CCDC122: variants seen among roughly 807,000 people sequenced by gnomAD.
CCDC122 encodes coiled-coil domain containing 122.
CCDC122 carries 38 observed loss-of-function variants against 37.0 expected under a neutral mutation model. That is an observed-to-expected ratio of 1.03 (90% CI 0.79 to 1.35). The LOEUF (loss-of-function observed/expected upper bound fraction) is 1.35. CCDC122 is among the 40% of genes most tolerant of loss of function. The probability of loss-of-function intolerance (pLI) is 0.00; values close to 1 mark genes in which losing one functional copy is unlikely to be tolerated. For synonymous variants in CCDC122, 83 were observed against 95.6 expected, an observed-to-expected ratio of 0.87 and a Z score of 0.77; for missense variants, 305 against 310.0, an observed-to-expected ratio of 0.98 and a Z score of 0.12.
intron 6 of CCDC122, chr13:43,854,971 T>C (rs773056470): frequency 1.3e-5 from 2 of 152,006 alleles, no homozygotes; most frequent in African/African-American, 2.4e-5. Flanking sequence ...TGAAGGAACA[T>C]ACCTGAAAAT....
At chr13:43,823,490 C>G (rs1953011190), downstream of CCDC122, among the ~76,000 whole-genome samples, 1 of 152,242 alleles carries the variant, frequency 6.6e-6, no homozygotes, top group Non-Finnish European at 1.5e-5. Context: ...TTCCCAGGAT[C>G]TAAGGCCAGC....
At chr13:43,877,440 C>T (rs181305560) in intron 1 of CCDC122, among the ~76,000 whole-genome samples, 1 of 152,268 alleles carries the variant, frequency 6.6e-6, no homozygotes, top group African/African-American at 2.4e-5. Context: ...TTACATACCA[C>T]AAAGTACATC....
downstream of CCDC122, chr13:43,823,785 C>A (rs9533635): frequency 0.51 from 78,235 of 152,298 alleles, 21,289 homozygotes; most frequent in Non-Finnish European, 0.63. Flanking sequence ...TGCACAGATT[C>A]TCTCTCTGAG....
downstream of CCDC122, among the ~76,000 whole-genome samples, chr13:43,822,247 T>G (rs534228413): frequency 3.9e-5 from 6 of 152,188 alleles, no homozygotes; most frequent in Non-Finnish European, 5.9e-5. Context: ...TCTGGAAGAA[T>G]TCTCTGGATT....
At chr13:43,819,289 C>T (rs944158583), downstream of CCDC122, among the ~76,000 whole-genome samples, 3 of 152,040 alleles carry the variant, frequency 2.0e-5, no homozygotes, top group South Asian at 2.1e-4. Context: ...TAATATCTAG[C>T]AAAATTATGT....
chr13:43,820,453 G>C (rs1408511424), downstream of CCDC122, among the ~76,000 whole-genome samples: 1 of 152,112 alleles, frequency 6.6e-6, no homozygotes, highest in Admixed American at 6.6e-5. Flanking sequence ...GGGTTTTGCC[G>C]AAAGGACATT....
intron 1 of CCDC122, among the ~76,000 whole-genome samples, chr13:43,876,994 C>T (rs1954630176): frequency 1.3e-5 from 2 of 152,124 alleles, no homozygotes; most frequent in African/African-American, 2.4e-5. Flanking sequence ...GCCTGTAATC[C>T]TAGCTACTTG....
At chr13:43,862,701 T>C (rs1267747654) in intron 4 of CCDC122, among the ~76,000 whole-genome samples, 1 of 152,152 alleles carries the variant, frequency 6.6e-6, no homozygotes, top group Non-Finnish European at 1.5e-5. Flanking sequence ...AGTGAATGAC[T>C]GATGCACAAC....
chr13:43,869,473 G>A lies in CCDC122; in HGVS notation c.-97C>T. The A allele has an allele frequency of 3.2e-6, 3 of 938,636 alleles. No homozygotes were observed. Among genetic ancestry groups the A allele is most frequent in the Non-Finnish European group, 4.9e-6 (3 of 616,582 alleles). 58.1% of individuals were successfully genotyped at this position (938,636 alleles called of 1,614,324 possible). ...TAATCTTTCACTTTTGTTTTTTCCT[G>A]TTGTATATTGGTGATCCTGAAAGGT... On this transcript the variant is annotated 5_prime_UTR_variant, in exon 3 of 7. Coordinates refer to ENST00000444614, the MANE Select transcript of CCDC122 (RefSeq NM_144974.5).
intron 1 of CCDC122, among the ~76,000 whole-genome samples, chr13:43,875,600 ATAAAT>A (rs907160186): frequency 1.3e-5 from 2 of 152,230 alleles, no homozygotes; most frequent in African/African-American, 2.4e-5. Flanking sequence ...CAGGAAGTCT[ATAAAT>A]TAGACTTGTA....
intron 4 of CCDC122, among the ~76,000 whole-genome samples, chr13:43,865,765 G>T (rs1954255807): frequency 6.6e-6 from 1 of 152,022 alleles, no homozygotes; most frequent in Non-Finnish European, 1.5e-5. Flanking sequence ...GCCCAGCCAG[G>T]AATTTATTTT....
rs1207842756 is a variant in CCDC122, at chr13:43,869,296, T to G, written c.46+35A>C. 3.3e-6 allele frequency: 5 copies of G among 1,510,274 alleles called. No homozygotes were observed. The South Asian group carries it at 5.7e-5, about 17-fold the overall frequency. The allele number at this position is 1,510,274 out of a possible 1,614,324, so 93.6% of individuals were successfully genotyped here. ...GACTACTTTTTTGTTGTTGCTGATCTTTTAATTATTTATTTCTTAAGACTG... is the reference window on the plus strand; with the variant it reads ...GACTACTTTTTTGTTGTTGCTGATCGTTTAATTATTTATTTCTTAAGACTG... On this transcript the variant is annotated intron_variant, in intron 3 of 6. Transcript: ENST00000444614.
chr13:43,855,528 C>T (rs1953879396), intron 6 of CCDC122: 1 of 151,990 alleles, frequency 6.6e-6, no homozygotes, highest in Non-Finnish European at 1.5e-5. Context: ...GAATCAGTAT[C>T]ATTAAAATGG....
At chr13:43,827,665 T>C (rs949776333) in intron 3 of CCDC122, among the ~76,000 whole-genome samples, 2 of 152,200 alleles carry the variant, frequency 1.3e-5, no homozygotes, top group Non-Finnish European at 2.9e-5. Flanking sequence ...CCCACATATA[T>C]GGACGGTTGA....
At chr13:43,869,706 T>C (rs1458067874) in intron 2 of CCDC122, among the ~76,000 whole-genome samples, 1 of 151,502 alleles carries the variant, frequency 6.6e-6, no homozygotes, top group Non-Finnish European at 1.5e-5. Context: ...CATAAGGCTG[T>C]TCTAATAATT....
chr13:43,858,979 T>TC lies in CCDC122; in HGVS notation c.556-83_556-82insG, dbSNP rs1469136084. On this transcript the variant is annotated intron_variant, in intron 5 of 6. Transcript: ENST00000444614. ...CCAATTTTTCAGTGTTTCTATAATT[T>TC]AAGAAAACTAGCCAAATCAAAATTT... is the stretch of plus-strand genomic sequence containing the variant. 9 of 1,113,308 alleles carry TC rather than the reference T, an allele frequency of 8.1e-6. No individual in the cohort carries two copies. In the African/African-American group the frequency reaches 1.2e-4, roughly 14 times the overall value. 69.0% of individuals were successfully genotyped at this position (1,113,308 alleles called of 1,614,324 possible).
At chr13:43,847,049 A>T (rs963489345) in intron 6 of CCDC122, among the ~76,000 whole-genome samples, 2 of 152,220 alleles carry the variant, frequency 1.3e-5, no homozygotes, top group South Asian at 2.1e-4. Context: ...ATTACTTTTA[A>T]TAATGAAAAA....
At chr13:43,821,199 TGATATCTTTATGTAGGG>T (rs558051608), downstream of CCDC122, among the ~76,000 whole-genome samples, 4 of 152,300 alleles carry the variant, frequency 2.6e-5, no homozygotes, top group South Asian at 8.3e-4. Flanking sequence ...ACTTGAGTAT[TGATATCTTTATGTAGGG>T]GTTTTTAAAA....
At chr13:43,852,906 G>A (rs904595308) in intron 6 of CCDC122, among the ~76,000 whole-genome samples, 1 of 152,046 alleles carries the variant, frequency 6.6e-6, no homozygotes, top group African/African-American at 2.4e-5. Context: ...AAGCGAAGGA[G>A]AAATAAGATC....
Sources: gnomAD v4.1 joint callset for allele counts (sites outside exome capture counted in the v4.1 genomes callset) on GRCh38, gnomAD v4.1.1 for gene constraint, MANE v1.5 for transcripts, NCBI Gene and HGNC (gene_info 2026-07-23, HGNC 2026-07-21) for gene names.